Variants in COL23A1 observed in about 807,000 individuals in gnomAD.
COL23A1 encodes collagen alpha-1(XXIII) chain.
A neutral mutation model predicts 99.3 loss-of-function variants in COL23A1; 97 were observed. The ratio of observed to expected loss-of-function variants is 0.98; its 90% confidence interval spans 0.83 to 1.16. The LOEUF (loss-of-function observed/expected upper bound fraction) is 1.16, where lower values mean the gene tolerates loss of function less well. Ranked by LOEUF, COL23A1 falls within the 50% of genes most tolerant of loss-of-function variation. The pLI, the probability that COL23A1 is intolerant of heterozygous loss-of-function variation, is 0.00. For synonymous variants in COL23A1, 320 were observed against 308.2 expected, an observed-to-expected ratio of 1.04 and a Z score of -0.40; for missense variants, 762 against 757.4, an observed-to-expected ratio of 1.01 and a Z score of -0.07.
chr5:178,556,193 G>A (rs1181269895), intron 2 of COL23A1, among the ~76,000 whole-genome samples: 1 of 152,016 alleles, frequency 6.6e-6, no homozygotes, highest in African/African-American at 2.4e-5. Flanking sequence ...CAGCTATCTC[G>A]GATACACAGA....
intron 2 of COL23A1, among the ~76,000 whole-genome samples, chr5:178,494,166 C>T (rs1199900043): frequency 6.6e-6 from 1 of 152,216 alleles, no homozygotes; most frequent in Non-Finnish European, 1.5e-5. Flanking sequence ...CAGTGTCTCA[C>T]TTATATCAAG....
At chr5:178,360,472 T>TGG (rs548036824) in intron 2 of COL23A1, among the ~76,000 whole-genome samples, 1 of 150,842 alleles carries the variant, frequency 6.6e-6, no homozygotes, top group Admixed American at 6.6e-5. Context: ...GGGCCTCATG[T>TGG]GGGGGGGGAT....
intron 2 of COL23A1, among the ~76,000 whole-genome samples, chr5:178,500,113 T>A (rs1758439604): frequency 6.6e-6 from 1 of 151,980 alleles, no homozygotes; most frequent in South Asian, 2.1e-4. Flanking sequence ...CAGAGCTTAC[T>A]CTGTGGAGAA....
At chr5:178,473,861 G>A (rs1022014948) in intron 2 of COL23A1, among the ~76,000 whole-genome samples, 5 of 152,246 alleles carry the variant, frequency 3.3e-5, no homozygotes, top group African/African-American at 9.6e-5. Context: ...TGAAAGCTTC[G>A]AAAGAAAGAT....
At chr5:178,454,423 A>G (rs1268810106) in intron 2 of COL23A1, among the ~76,000 whole-genome samples, 5 of 152,226 alleles carry the variant, frequency 3.3e-5, no homozygotes, top group Non-Finnish European at 7.3e-5. Context: ...ACATGCCTCC[A>G]GGAACAGGAT....
At chr5:178,556,667 A>T (rs262016) in intron 2 of COL23A1, among the ~76,000 whole-genome samples, 3,213 of 150,830 alleles carry the variant, frequency 0.021, 65 homozygotes, top group Middle Eastern at 0.059. Context: ...AAAATAAAAT[A>T]AAAAAGCTGA....
In COL23A1 at chr5:178,251,600, CA is replaced by C. The variant is rs1203654162; in HGVS notation, c.1014+943del. On this transcript the variant is annotated intron_variant, in intron 17 of 28. Coordinates refer to ENST00000390654, the MANE Select transcript of COL23A1 (RefSeq NM_173465.4). Reference sequence around the variant, plus strand: ...ATAGCTTTAAAAAAAGTTTTAGATTCAGGGGGTACACGGGCAGGGTTGTCAC... The same window carrying C: ...ATAGCTTTAAAAAAAGTTTTAGATTCGGGGGTACACGGGCAGGGTTGTCAC... Among the ~76,000 whole-genome samples the C allele has an allele frequency of 2.6e-5, 4 of 152,270 alleles. 1 individual carries two copies. Among genetic ancestry groups the C allele is most frequent in the South Asian group, 4.1e-4 (2 of 4,822 alleles).
intron 2 of COL23A1, among the ~76,000 whole-genome samples, chr5:178,480,397 G>A (rs1757271873): frequency 2.0e-5 from 3 of 152,156 alleles, no homozygotes; most frequent in Non-Finnish European, 2.9e-5. Flanking sequence ...GCCAGAAGGA[G>A]TTCTCAAATA....
At chr5:178,379,986 C>G (rs2973730) in intron 2 of COL23A1, among the ~76,000 whole-genome samples, 24,357 of 152,018 alleles carry the variant, frequency 0.16, 3,708 homozygotes, top group African/African-American at 0.4. Context: ...GTCAGGGAGG[C>G]CCCACAGCCT....
rs112345003 is a variant in COL23A1, at chr5:178,379,833, G to A, written c.362-72914C>T. ...GAGGCGGAGGTTGCGGTGAGCAGAGGTCACGCCATTGCACTCCAGCCTGGG... is the reference window on the plus strand; with the variant it reads ...GAGGCGGAGGTTGCGGTGAGCAGAGATCACGCCATTGCACTCCAGCCTGGG... On this transcript the variant is annotated intron_variant, in intron 2 of 28. Coordinates refer to ENST00000390654, the MANE Select transcript of COL23A1 (RefSeq NM_173465.4). 5.6e-3 allele frequency among the ~76,000 whole-genome samples: 836 copies of A among 150,496 alleles called. 9 individuals carry two copies. The highest frequency in any genetic ancestry group is 0.01 in the Middle Eastern group (3 of 290).
intron 2 of COL23A1, among the ~76,000 whole-genome samples, chr5:178,326,895 T>A (rs921566096): frequency 6.6e-5 from 10 of 152,180 alleles, no homozygotes; most frequent in African/African-American, 2.4e-4. Context: ...AATTTTCGTA[T>A]TTTTAGTAGA....
intron 2 of COL23A1, among the ~76,000 whole-genome samples, chr5:178,379,839 C>T (rs1257778879): frequency 2.7e-5 from 4 of 150,560 alleles, no homozygotes; most frequent in Admixed American, 2.6e-4. Flanking sequence ...AGAGGTCACG[C>T]CATTGCACTC....
chr5:178,368,801 C>A (rs1762636347), intron 2 of COL23A1, among the ~76,000 whole-genome samples: 1 of 152,228 alleles, frequency 6.6e-6, no homozygotes, highest in African/African-American at 2.4e-5. Context: ...AGTAGGACAC[C>A]AACCCCTTTT....
At chr5:178,311,301 T>C (rs947877301) in intron 2 of COL23A1, among the ~76,000 whole-genome samples, 6 of 152,062 alleles carry the variant, frequency 3.9e-5, no homozygotes, top group African/African-American at 1.4e-4. Context: ...CTCGGGAGGA[T>C]AGAGGTTTGG....
chr5:178,398,629 C>G (rs1281316933), intron 2 of COL23A1, among the ~76,000 whole-genome samples: 1 of 152,140 alleles, frequency 6.6e-6, no homozygotes, highest in East Asian at 1.9e-4. Context: ...TCTGTTCCCC[C>G]ACCAAAAATA....
rs1755932111 is a variant in COL23A1 at position 178,458,611 on chromosome 5, TG to T, written c.361+102070del. Among the ~76,000 whole-genome samples, 4 of 150,612 alleles carry T rather than the reference TG, an allele frequency of 2.7e-5. No homozygotes were observed. The South Asian group carries it at 8.4e-4, about 32-fold the overall frequency. ...GAGATTGCATCACTGCACTCCAGCC[TG>T]GGCAACACAGCAAGACTCTGTCTCC... On this transcript the variant is annotated intron_variant, in intron 2 of 28. Coordinates refer to ENST00000390654, the MANE Select transcript of COL23A1 (RefSeq NM_173465.4).
At chr5:178,539,119 G>A (rs1400321657) in intron 2 of COL23A1, among the ~76,000 whole-genome samples, 1 of 152,116 alleles carries the variant, frequency 6.6e-6, no homozygotes, top group Non-Finnish European at 1.5e-5. Context: ...TTCTGTGTGG[G>A]GCAATGAAAA....
intron 2 of COL23A1, among the ~76,000 whole-genome samples, chr5:178,353,184 T>C (rs1761426104): frequency 1.3e-5 from 2 of 152,142 alleles, no homozygotes; most frequent in Admixed American, 6.5e-5. Context: ...TGAAGTGAAT[T>C]ATGGCATACT....
At chr5:178,329,131 T>C (rs536767438) in intron 2 of COL23A1, among the ~76,000 whole-genome samples, 8 of 152,198 alleles carry the variant, frequency 5.3e-5, no homozygotes, top group Non-Finnish European at 1.2e-4. Context: ...CAGCTGGATT[T>C]TCTGCTCACT....
Sources: gnomAD v4.1 joint callset for allele counts (sites outside exome capture counted in the v4.1 genomes callset) on GRCh38, gnomAD v4.1.1 for gene constraint, MANE v1.5 for transcripts, NCBI Gene and HGNC (gene_info 2026-07-23, HGNC 2026-07-21) for gene names.